Variants in RREB1 observed in about 807,000 individuals in gnomAD.
RREB1 encodes the protein ras-responsive element-binding protein 1.
In RREB1, 27 loss-of-function variants were observed where a neutral mutation model predicts 117.8. The observed-to-expected ratio is 0.23, with a 90% CI of 0.17 to 0.32. The LOEUF is 0.32. Among genes scored for constraint, RREB1 ranks in the 10% least tolerant of loss-of-function variants. The pLI, the probability that RREB1 is intolerant of heterozygous loss-of-function variation, is 1.00. For missense variants in RREB1, 2,577 were observed against 2,378.2 expected (o/e 1.08, Z -1.74); for synonymous variants, 1,298 against 1,026.7 (o/e 1.26, Z -5.05).
rs574918643 is a variant in RREB1 at position 7,155,384 on chromosome 6, G to T, written c.-284-21271G>T. 3.3e-5 allele frequency among the ~76,000 whole-genome samples: 5 copies of T among 152,328 alleles called. No homozygotes were observed. In the South Asian group the frequency reaches 6.2e-4, roughly 19 times the overall value. The stretch of plus-strand genomic sequence containing the variant: ...TGCAGTGGCACGATCTTGGCTCACT[G>T]CAACTTCCGTCTCCCGGGTTTAAGC... On this transcript the variant is annotated intron_variant, in intron 1 of 12. Transcript: ENST00000379938.
chr6:7,113,912 A>G (rs951277597), intron 1 of RREB1, among the ~76,000 whole-genome samples: 1 of 152,240 alleles, frequency 6.6e-6, no homozygotes, highest in Non-Finnish European at 1.5e-5. Context: ...TAGATGTTCC[A>G]GAAAGTCAAA....
rs756923290 is a variant in RREB1, at chr6:7,230,493, G to A, written c.2394G>A (p.Ala798=). ...KPFECKECSA[A]FAAKRNCIHH... ...TCGAGTGCAAGGAGTGCAGCGCCGCGTTCGCGGCCAAGCGCAACTGCATCC... is the reference window on the plus strand; with the variant it reads ...TCGAGTGCAAGGAGTGCAGCGCCGCATTCGCGGCCAAGCGCAACTGCATCC... The change falls in exon 10 of 13, where the codon GCG becomes GCA. Residue 798 remains alanine (A), a synonymous_variant. Coordinates refer to ENST00000379938, the MANE Select transcript of RREB1 (RefSeq NM_001003699.4). 2.5e-6 allele frequency: 4 copies of A among 1,593,784 alleles called. No individual in the cohort carries two copies. Among genetic ancestry groups the A allele is most frequent in the Middle Eastern group, 1.6e-4 (1 of 6,072 alleles).
At chr6:7,139,490 G>A (rs1390444646) in intron 1 of RREB1, among the ~76,000 whole-genome samples, 1 of 152,126 alleles carries the variant, frequency 6.6e-6, no homozygotes, top group Non-Finnish European at 1.5e-5. Flanking sequence ...TTTACATTTG[G>A]AGTTAAGGGG....
intron 1 of RREB1, among the ~76,000 whole-genome samples, chr6:7,176,433 T>C (rs992932185): frequency 6.6e-6 from 1 of 151,948 alleles, no homozygotes; most frequent in Non-Finnish European, 1.5e-5. Flanking sequence ...GGGATAGGGG[T>C]GTTCCTGTCT....
At chr6:7,127,837 G>T (rs1017735258) in intron 1 of RREB1, among the ~76,000 whole-genome samples, 4 of 152,124 alleles carry the variant, frequency 2.6e-5, no homozygotes, top group African/African-American at 9.7e-5. Context: ...CCTCATCTGG[G>T]TCACGACTCT....
chr6:7,174,359 G>A (rs1764395185), intron 1 of RREB1, among the ~76,000 whole-genome samples: 1 of 152,056 alleles, frequency 6.6e-6, no homozygotes, highest in Admixed American at 6.5e-5. Context: ...AGGGCAAGAG[G>A]ATGGAAGTTT....
chr6:7,229,608 C>T lies in RREB1; in HGVS notation c.1509C>T (p.His503=), dbSNP rs201665534. 5 of 1,612,648 alleles carry T rather than the reference C, an allele frequency of 3.1e-6. No individual in the cohort carries two copies. The highest frequency in any genetic ancestry group is 2.5e-6 in the Non-Finnish European group (3 of 1,179,304). ...PAAPLQAIFK[H]MPPLKPKPLV... ...CCCCACTGCAGGCGATCTTCAAGCA[C>T]ATGCCCCCTCTGAAGCCAAAGCCCC... The change falls in exon 10 of 13, where the codon CAC becomes CAT. Residue 503 remains histidine, a synonymous_variant. Transcript: ENST00000379938. This position sits in a 1 kb window ranked among gnomAD's most constrained non-coding sequence, Gnocchi z 4.5.
intron 1 of RREB1, among the ~76,000 whole-genome samples, chr6:7,169,805 G>C (rs1026970562): frequency 6.6e-6 from 1 of 152,118 alleles, no homozygotes; most frequent in Admixed American, 6.5e-5. Context: ...AAGAAGAATG[G>C]GGTACCACAG....
chr6:7,249,081 GAGAGAGAGAGA>G lies in RREB1; in HGVS notation c.*114_*124del. 1 of 760,032 alleles carries G rather than the reference GAGAGAGAGAGA, an allele frequency of 1.3e-6. No individual in the cohort carries two copies. Among genetic ancestry groups the G allele is most frequent in the South Asian group, 2.0e-5 (1 of 50,178 alleles). 47.1% of individuals were successfully genotyped at this position (760,032 alleles called of 1,614,324 possible). ...GAGGAGTGAGAGAGAGAGAGAGAGA[GAGAGAGAGAGA>G]GAGAGAGAGAGACAAGCAGGAGCGT... On this transcript the variant is annotated 3_prime_UTR_variant, in exon 13 of 13. Coordinates refer to ENST00000379938, the MANE Select transcript of RREB1 (RefSeq NM_001003699.4).
intron 1 of RREB1, among the ~76,000 whole-genome samples, chr6:7,167,349 ATTTTTTTTTTTT>A (rs777728313): frequency 8.3e-6 from 1 of 120,060 alleles, no homozygotes; most frequent in Non-Finnish European, 1.7e-5. Flanking sequence ...CTGGGACAGG[ATTTTTTTTTTTT>A]TTTTTTTTTG....
At chr6:7,192,901 T>C (rs965976131) in intron 6 of RREB1, among the ~76,000 whole-genome samples, 3 of 152,236 alleles carry the variant, frequency 2.0e-5, no homozygotes, top group Non-Finnish European at 4.4e-5. Flanking sequence ...TTGAGAACTT[T>C]TTAAATACAG....
At chr6:7,178,707 A>G (rs1481354607) in intron 2 of RREB1, among the ~76,000 whole-genome samples, 1 of 152,072 alleles carries the variant, frequency 6.6e-6, no homozygotes, top group East Asian at 1.9e-4. Flanking sequence ...TATGAGTTTC[A>G]TTTTATTAAT....
chr6:7,211,036 T>A, intron 7 of RREB1, 88 bp downstream of exon 7: 5 of 1,319,642 alleles, frequency 3.8e-6, no homozygotes, highest in Non-Finnish European at 5.3e-6. Flanking sequence ...TGTGGAGACT[T>A]GGCAGACATA....
chr6:7,125,406 C>T (rs1453282672), intron 1 of RREB1, among the ~76,000 whole-genome samples: 1 of 152,150 alleles, frequency 6.6e-6, no homozygotes, highest in Non-Finnish European at 1.5e-5. Context: ...AGAGTGGGGC[C>T]TTGGACTCCA....
At chr6:7,135,565 A>G (rs535555441) in intron 1 of RREB1, among the ~76,000 whole-genome samples, 17 of 152,254 alleles carry the variant, frequency 1.1e-4, no homozygotes, top group African/African-American at 3.9e-4. Flanking sequence ...TCTGACAACA[A>G]CAGCATTCTT....
chr6:7,246,382 G>T (rs1157678288), intron 11 of RREB1, 42 bp from the exon 12 acceptor site: 8 of 1,428,796 alleles, frequency 5.6e-6, no homozygotes, highest in Non-Finnish European at 7.3e-6. Flanking sequence ...GGCGTACCTG[G>T]TGGTGCCCCT....
At chr6:7,126,216 G>A (rs1168650219) in intron 1 of RREB1, among the ~76,000 whole-genome samples, 4 of 152,156 alleles carry the variant, frequency 2.6e-5, no homozygotes, top group South Asian at 2.1e-4. Flanking sequence ...TGGTCAGGCT[G>A]GCCTTGAACT....
In RREB1 at chr6:7,184,256, G is replaced by A. The variant is rs573090326; in HGVS notation, c.171+2174G>A. Among the ~76,000 whole-genome samples, 3 of 151,338 alleles carry A rather than the reference G, an allele frequency of 2.0e-5. No individual in the cohort carries two copies. The East Asian group carries it at 5.8e-4, about 29-fold the overall frequency. ...ATCACAGTGCTGTCTTTTCTAGTAG[G>A]TTCATTTTATTATTATTATTTTTTT... On this transcript the variant is annotated intron_variant, in intron 4 of 12. Transcript: ENST00000379938.
intron 1 of RREB1, among the ~76,000 whole-genome samples, chr6:7,132,341 C>T (rs545182908): frequency 1.4e-5 from 2 of 147,748 alleles, no homozygotes; most frequent in African/African-American, 4.9e-5. Flanking sequence ...AGATGTGAGC[C>T]ACCGTGCCCA....
Sources: gnomAD v4.1 joint callset for allele counts (sites outside exome capture counted in the v4.1 genomes callset) on GRCh38, gnomAD v4.1.1 for gene constraint, Gnocchi (gnomAD v3.1) non-coding constraint, MANE v1.5 for transcripts, NCBI Gene and HGNC (gene_info 2026-07-23, HGNC 2026-07-21) for gene names.